Variants in CDH13 observed in about 807,000 individuals in gnomAD.
CDH13 encodes cadherin-13.
CDH13 carries 24 observed loss-of-function variants against 63.8 expected under a neutral mutation model. That is an observed-to-expected ratio of 0.38 (90% confidence interval 0.27 to 0.53). The LOEUF is 0.53. Ranked by LOEUF, CDH13 falls within the 20% of genes least tolerant of loss-of-function variation. The pLI is 0.85. For missense variants in CDH13, 1,049 were observed against 903.1 expected (o/e 1.16, Z -2.07); for synonymous variants, 503 against 355.3 (o/e 1.42, Z -4.67).
At chr16:82,738,737 T>G (rs1230397541) in intron 1 of CDH13, among the ~76,000 whole-genome samples, 3 of 152,218 alleles carry the variant, frequency 2.0e-5, no homozygotes, top group Non-Finnish European at 2.9e-5. Context: ...TGGGGGAAAA[T>G]GTCATCTCTT....
intron 4 of CDH13, among the ~76,000 whole-genome samples, chr16:83,215,926 CT>C (rs1302528717): frequency 5.9e-5 from 9 of 152,154 alleles, no homozygotes; most frequent in Middle Eastern, 6.8e-3. Flanking sequence ...TGAGGGTAAA[CT>C]CTAGATTCCA....
At chr16:82,664,588 T>A (rs941869025) in intron 1 of CDH13, among the ~76,000 whole-genome samples, 6 of 152,192 alleles carry the variant, frequency 3.9e-5, no homozygotes, top group African/African-American at 1.2e-4. Context: ...ATTTGATGAC[T>A]GGGAGAAAGG....
chr16:83,371,387 C>T (rs191329133), intron 6 of CDH13, among the ~76,000 whole-genome samples: 73 of 152,192 alleles, frequency 4.8e-4, no homozygotes, highest in Non-Finnish European at 8.8e-4. Flanking sequence ...TCCACTATAC[C>T]CCTGCCTTTT....
intron 5 of CDH13, among the ~76,000 whole-genome samples, chr16:83,219,617 G>A (rs1475118336): frequency 6.6e-6 from 1 of 152,180 alleles, no homozygotes; most frequent in African/African-American, 2.4e-5. Context: ...GAAGGTAAGT[G>A]AAAACCCAAA....
Position 83,232,545 on chromosome 16 carries a change from C to A in CDH13, c.636+15048C>A, listed in dbSNP as rs540957228. Among the ~76,000 whole-genome samples the A allele has an allele frequency of 2.0e-4, 22 of 108,006 alleles. 1 individual carries two copies. The East Asian group carries it at 2.7e-3, about 13-fold the overall frequency. 70.9% of individuals were successfully genotyped at this position (108,006 alleles called of 152,430 possible). ...TCTCAAAAAACGACAACAACAACAA[C>A]AAACAAACAAAAAAAAAAAAAAGTG... On this transcript the variant is annotated intron_variant, in intron 5 of 13. Transcript: ENST00000567109.
At chr16:83,211,493 A>G (rs2039335524) in intron 4 of CDH13, among the ~76,000 whole-genome samples, 1 of 152,228 alleles carries the variant, frequency 6.6e-6, no homozygotes, top group Non-Finnish European at 1.5e-5. Context: ...TATATAGTCT[A>G]TGAGTTCATA....
intron 1 of CDH13, among the ~76,000 whole-genome samples, chr16:82,829,928 A>G (rs2038451409): frequency 6.6e-6 from 1 of 152,244 alleles, no homozygotes; most frequent in Non-Finnish European, 1.5e-5. Context: ...TGGTACTTCC[A>G]TAACAATTGT....
At chr16:83,197,728 C>A (rs893432423) in intron 4 of CDH13, among the ~76,000 whole-genome samples, 3 of 151,892 alleles carry the variant, frequency 2.0e-5, no homozygotes, top group South Asian at 2.1e-4. Flanking sequence ...ATACGCAAGC[C>A]AATACGTAGA....
intron 3 of CDH13, among the ~76,000 whole-genome samples, chr16:83,071,456 C>A (rs115483127): frequency 6.6e-6 from 1 of 152,270 alleles, no homozygotes; most frequent in South Asian, 2.1e-4. Flanking sequence ...CCTGAGAGCT[C>A]CTCCAAGCCT....
At chr16:83,767,489 A>T (rs374502325) in intron 11 of CDH13, among the ~76,000 whole-genome samples, 3 of 152,192 alleles carry the variant, frequency 2.0e-5, no homozygotes, top group African/African-American at 4.8e-5. Flanking sequence ...AGTCAATTAA[A>T]CCTCTTTCCT....
chr16:83,069,467 C>T (rs527764787), intron 3 of CDH13, among the ~76,000 whole-genome samples: 5 of 152,226 alleles, frequency 3.3e-5, no homozygotes, highest in East Asian at 1.9e-4. Context: ...ATGTAACAGC[C>T]CCCCCTAAGG....
At chr16:83,205,437 A>G (rs981719642) in intron 4 of CDH13, among the ~76,000 whole-genome samples, 8 of 152,090 alleles carry the variant, frequency 5.3e-5, no homozygotes, top group African/African-American at 1.9e-4. Context: ...CTTTCAGCGC[A>G]TCTCCCATGT....
At position 83,060,365 on chromosome 16, in the gene CDH13, T is replaced by C. The variant is rs529943222; in HGVS notation, c.366+28147T>C. On this transcript the variant is annotated intron_variant, in intron 3 of 13. Coordinates refer to ENST00000567109, the MANE Select transcript of CDH13 (RefSeq NM_001257.5). ...TTCTTAAAAATCCAGCATTTTTGTA[T>C]AGGAACAAAACTTTACTTGGATTAT... Among the ~76,000 whole-genome samples the C allele has an allele frequency of 3.3e-5, 5 of 152,308 alleles. No homozygotes were observed. In the South Asian group the frequency reaches 8.3e-4, roughly 25 times the overall value.
At chr16:83,020,123 A>C (rs1159319442) in intron 2 of CDH13, among the ~76,000 whole-genome samples, 1 of 152,226 alleles carries the variant, frequency 6.6e-6, no homozygotes, top group Non-Finnish European at 1.5e-5. Flanking sequence ...TCTGTAGATC[A>C]GAACATCGCT....
At chr16:83,313,202 C>G (rs991815978) in intron 5 of CDH13, among the ~76,000 whole-genome samples, 2 of 152,164 alleles carry the variant, frequency 1.3e-5, no homozygotes, top group Admixed American at 1.3e-4. Flanking sequence ...TAAATGACAG[C>G]CCTTTCTTAA....
At chr16:82,628,240 G>GCC (rs1291485624) in intron 1 of CDH13, among the ~76,000 whole-genome samples, 184 of 152,340 alleles carry the variant, frequency 1.2e-3, no homozygotes, top group African/African-American at 4.0e-3. Flanking sequence ...CAGCCTGCAA[G>GCC]TGGGTGGATA....
intron 13 of CDH13, among the ~76,000 whole-genome samples, chr16:83,791,779 C>A (rs1916282392): frequency 6.9e-6 from 1 of 144,610 alleles, no homozygotes; most frequent in Non-Finnish European, 1.5e-5. Flanking sequence ...CCATTGCACT[C>A]CAGCCTGGGC....
At chr16:82,867,009 T>C (rs1175617292) in intron 2 of CDH13, among the ~76,000 whole-genome samples, 3 of 152,242 alleles carry the variant, frequency 2.0e-5, no homozygotes, top group Non-Finnish European at 4.4e-5. Flanking sequence ...TGCAAGCTTC[T>C]GTGAGTGTGG....
intron 2 of CDH13, among the ~76,000 whole-genome samples, chr16:82,975,591 A>T (rs944344650): frequency 1.3e-5 from 2 of 152,246 alleles, no homozygotes; most frequent in African/African-American, 4.8e-5. Context: ...CCCAACAAAT[A>T]ATCATCGTAA....
Sources: allele counts gnomAD v4.1 joint callset (sites outside exome capture counted in the v4.1 genomes callset), GRCh38; gene constraint gnomAD v4.1.1; transcripts MANE v1.5; gene names NCBI Gene and HGNC (gene_info 2026-07-23, HGNC 2026-07-21).